The following BMPR2 variants were observed in gnomAD, a reference collection of about 807,000 sequenced individuals.
BMPR2 encodes bone morphogenetic protein receptor type-2.
BMPR2 carries 29 observed loss-of-function variants against 100.8 expected under a neutral mutation model. The ratio of observed to expected loss-of-function variants is 0.29; its 90% confidence interval spans 0.21 to 0.39. BMPR2 has a LOEUF of 0.39. Among genes scored for constraint, BMPR2 ranks in the 10% least tolerant of loss-of-function variants. BMPR2 has a pLI of 1.00. For missense variants in BMPR2, 1,011 were observed against 1,274.5 expected (o/e 0.79, Z 3.15); for synonymous variants, 382 against 442.3 (o/e 0.86, Z 1.71).
At chr2:202,558,632 G>A (rs113603728) in intron 12 of BMPR2, among the ~76,000 whole-genome samples, 2 of 151,846 alleles carry the variant, frequency 1.3e-5, no homozygotes, top group Admixed American at 6.6e-5. Context: ...GGTGGCTTAC[G>A]CCTGTAATCC....
At chr2:202,452,151 C>T (rs1019517395) in intron 1 of BMPR2, among the ~76,000 whole-genome samples, 7 of 152,056 alleles carry the variant, frequency 4.6e-5, no homozygotes, top group Non-Finnish European at 7.4e-5. Context: ...TTCCTTATGC[C>T]CCTTTGTATT....
chr2:202,423,324 G>C (rs1172698950), intron 1 of BMPR2, among the ~76,000 whole-genome samples: 1 of 152,202 alleles, frequency 6.6e-6, no homozygotes, highest in East Asian at 1.9e-4. Context: ...ATGATTTCTT[G>C]CCAGGCTGAC....
chr2:202,467,728 TC>T (rs758354883), intron 3 of BMPR2, 39 bp downstream of exon 3: 1 of 1,570,854 alleles, frequency 6.4e-7, no homozygotes, highest in South Asian at 1.1e-5. Flanking sequence ...ATTTCCTTTC[TC>T]CAAAGATTTG....
chr2:202,559,827 G>A lies in BMPR2; in HGVS notation c.2998G>A (p.Val1000Ile). Residue 1000 changes from valine to isoleucine, a missense_variant, in exon 13 of 13, where the codon GTC (valine) becomes ATC (isoleucine). Val to Ile is a conservative substitution (Grantham distance 29, BLOSUM62 3). Around this residue, in one of 6 missense-constraint regions of BMPR2, gnomAD observed 58 missense variants for 72.3 expected, o/e 0.80. Coordinates refer to ENST00000374580, the MANE Select transcript of BMPR2 (RefSeq NM_001204.7). The part of the protein sequence containing the change: ...VISTESLDCE[V>I]NNNGSNRAVH... ...CTCCACTGAATCGCTGGACTGTGAA[G>A]TCAACAATAATGGCAGTAACAGGGC... 1 of 1,614,126 alleles carries A rather than the reference G, an allele frequency of 6.2e-7. No homozygotes were observed. Among genetic ancestry groups the A allele is most frequent in the Non-Finnish European group, 8.5e-7 (1 of 1,180,030 alleles).
chr2:202,548,049 C>G lies in BMPR2; in HGVS notation c.1414-4667C>G, dbSNP rs192444420. On this transcript the variant is annotated intron_variant, in intron 10 of 12. Transcript: ENST00000374580. ...GCAGTGAGCCGAGATTGCACCACTG[C>G]ACTCCAGCCTGAGCAACAGAGTAAG... Among the ~76,000 whole-genome samples the G allele has an allele frequency of 7.9e-5, 12 of 151,064 alleles. No homozygotes were observed. The South Asian group carries it at 1.3e-3, about 16-fold the overall frequency.
At chr2:202,528,070 C>T (rs1687951735) in intron 7 of BMPR2, among the ~76,000 whole-genome samples, 1 of 152,074 alleles carries the variant, frequency 6.6e-6, no homozygotes, top group Non-Finnish European at 1.5e-5. Context: ...ACCTGTAGTC[C>T]CAGCTATTTA....
Position 202,444,167 on chromosome 2 carries a change from G to C in BMPR2, c.77-20642G>C, listed in dbSNP as rs1006647831. 1.3e-4 allele frequency among the ~76,000 whole-genome samples: 19 copies of C among 150,568 alleles called. 1 individual carries two copies. The highest frequency in any genetic ancestry group is 4.7e-4 in the African/African-American group (19 of 40,004). The stretch of plus-strand genomic sequence containing the variant: ...GCTCGCTTTCTTTTCTGTTAGTCTT[G>C]ATTATTTGTCATTTACAATATTTAA... On this transcript the variant is annotated intron_variant, in intron 1 of 12. Coordinates refer to ENST00000374580, the MANE Select transcript of BMPR2 (RefSeq NM_001204.7).
intron 1 of BMPR2, among the ~76,000 whole-genome samples, chr2:202,433,081 A>G (rs1691539271): frequency 6.6e-6 from 1 of 150,530 alleles, no homozygotes; most frequent in Non-Finnish European, 1.5e-5. Context: ...TCATATAGCC[A>G]TCTGCCAGCT....
At chr2:202,547,811 C>T (rs990577848) in intron 10 of BMPR2, among the ~76,000 whole-genome samples, 3 of 147,920 alleles carry the variant, frequency 2.0e-5, no homozygotes, top group South Asian at 2.1e-4. Flanking sequence ...AGGCCAGGCA[C>T]GGCAGCTCAT....
At chr2:202,506,549 C>A (rs1031621094) in intron 3 of BMPR2, among the ~76,000 whole-genome samples, 1 of 152,138 alleles carries the variant, frequency 6.6e-6, no homozygotes, top group Non-Finnish European at 1.5e-5. Flanking sequence ...AAGGTTCTAC[C>A]TCCATATACT....
In BMPR2 at chr2:202,564,309, G is replaced by T. The variant is rs1688721034; in HGVS notation, c.*4363G>T. 6.6e-6 allele frequency: 1 copy of T among 152,084 alleles called. No individual in the cohort carries two copies. The highest frequency in any genetic ancestry group is 6.6e-5 in the Admixed American group (1 of 15,260). The allele number at this position is 152,084 out of a possible 1,614,324, so 9.4% of individuals were successfully genotyped here. A position where few individuals can be genotyped will look rare whatever the true frequency, so the allele number is the denominator to read the frequency against. On this transcript the variant is annotated 3_prime_UTR_variant, in exon 13 of 13. Transcript: ENST00000374580. ...ATGTTGAACTTACTACCTGTTATGT[G>T]CAGGTTATTATGTAACTATTCACAG...
intron 1 of BMPR2, among the ~76,000 whole-genome samples, chr2:202,385,057 A>G (rs1002406051): frequency 1.3e-5 from 2 of 152,224 alleles, no homozygotes; most frequent in South Asian, 2.1e-4. Context: ...TGTGTTAATG[A>G]TAAGTGTGAA....
At chr2:202,543,193 T>C (rs1688309253) in intron 10 of BMPR2, among the ~76,000 whole-genome samples, 2 of 145,990 alleles carry the variant, frequency 1.4e-5, no homozygotes, top group Non-Finnish European at 1.5e-5. Flanking sequence ...AAAAAAAGCA[T>C]ATATATATAT....
chr2:202,454,382 G>A (rs1228873661), intron 1 of BMPR2, among the ~76,000 whole-genome samples: 1 of 152,102 alleles, frequency 6.6e-6, no homozygotes, highest in African/African-American at 2.4e-5. Context: ...TGAATATGTA[G>A]AATTTAAATA....
chr2:202,490,004 G>T (rs1692868737), intron 3 of BMPR2, among the ~76,000 whole-genome samples: 1 of 152,134 alleles, frequency 6.6e-6, no homozygotes, highest in African/African-American at 2.4e-5. Flanking sequence ...TCAGGCTTCA[G>T]GATCAATTCA....
In BMPR2 at chr2:202,441,226, C is replaced by T. The variant is rs1389155050; in HGVS notation, c.77-23583C>T. ...GAACTCCTGAGCTCAGGCAATCCAC[C>T]CACCTCGGCCTCCCAAAGTGCTAGG... On this transcript the variant is annotated intron_variant, in intron 1 of 12. Coordinates refer to ENST00000374580, the MANE Select transcript of BMPR2 (RefSeq NM_001204.7). Among the ~76,000 whole-genome samples, 6 of 150,036 alleles carry T rather than the reference C, an allele frequency of 4.0e-5. No individual in the cohort carries two copies. The East Asian group carries it at 1.2e-3, about 29-fold the overall frequency.
chr2:202,552,251 A>T (rs750616586), intron 10 of BMPR2, among the ~76,000 whole-genome samples: 1 of 152,170 alleles, frequency 6.6e-6, no homozygotes, highest in African/African-American at 2.4e-5. Flanking sequence ...CAGCCTCCCA[A>T]AGTGCTGGGA....
At chr2:202,454,055 A>T (rs1209071333) in intron 1 of BMPR2, among the ~76,000 whole-genome samples, 1 of 152,132 alleles carries the variant, frequency 6.6e-6, no homozygotes, top group Non-Finnish European at 1.5e-5. Context: ...TTATTTCTGA[A>T]TAAGTAAAAA....
intron 1 of BMPR2, among the ~76,000 whole-genome samples, chr2:202,461,077 C>T (rs1223703612): frequency 6.6e-6 from 1 of 152,124 alleles, no homozygotes; most frequent in Admixed American, 6.5e-5. Context: ...CTCCTGGCCT[C>T]AAGCAGTCCT....
Sources: gnomAD v4.1 joint callset for allele counts (sites outside exome capture counted in the v4.1 genomes callset) on GRCh38, gnomAD v4.1.1 for gene constraint, gnomAD v4.1.1 regional missense constraint, MANE v1.5 for transcripts, NCBI Gene and HGNC (gene_info 2026-07-23, HGNC 2026-07-21) for gene names.